Variants in C4orf51 observed in about 807,000 individuals in gnomAD.
The protein encoded by C4orf51 is chromosome 4 open reading frame 51, also known as uncharacterized protein C4orf51.
Under a neutral mutation model 25.2 loss-of-function variants are expected in C4orf51, and 25 were observed. The observed-to-expected ratio is 0.99, with a 90% confidence interval of 0.72 to 1.39. C4orf51 has a LOEUF of 1.39. C4orf51 is among the 40% of genes most tolerant of loss of function. The probability of loss-of-function intolerance (pLI) is 0.00; values close to 1 mark genes in which losing one functional copy is unlikely to be tolerated. For missense variants in C4orf51, 252 were observed against 239.6 expected (o/e 1.05, Z -0.34); for synonymous variants, 100 against 84.5 (o/e 1.18, Z -1.01).
chr4:145,696,487 T>C, intron 1 of C4orf51, 72 bp from the exon 2 acceptor site: 1 of 1,223,174 alleles, frequency 8.2e-7, no homozygotes. Context: ...GAAATCCCTG[T>C]AAGTCCACAG....
chr4:145,694,487 C>T (rs1203098489), intron 1 of C4orf51, among the ~76,000 whole-genome samples: 2 of 83,324 alleles, frequency 2.4e-5, no homozygotes, highest in South Asian at 6.3e-4. Flanking sequence ...CCGCCCCGTC[C>T]GGGAGGGAGG....
intron 2 of C4orf51, among the ~76,000 whole-genome samples, chr4:145,707,239 C>T (rs72952620): frequency 1.3e-5 from 2 of 152,298 alleles, no homozygotes; most frequent in African/African-American, 4.8e-5. Context: ...GCGCCAGGCC[C>T]ATATAAGATA....
Position 145,762,124 on chromosome 4 carries a change from G to A in C4orf51, n.167-8864G>A, listed in dbSNP as rs1301784465. On this transcript the variant is annotated intron_variant and non_coding_transcript_variant, in intron 1 of 1. Coordinates refer to the C4orf51 transcript ENST00000510096. This position sits in a 1 kb window ranked among gnomAD's most constrained non-coding sequence, Gnocchi z 4.9. ...CCTCCAGCAAACAGAAAGTCACAGG[G>A]GTCAGAATCGTGCTTATTAAGGGTT... Among the ~76,000 whole-genome samples, 4 of 152,128 alleles carry A rather than the reference G, an allele frequency of 2.6e-5. No homozygotes were observed. Among genetic ancestry groups the A allele is most frequent in the Non-Finnish European group, 5.9e-5 (4 of 68,014 alleles).
intron 1 of C4orf51, among the ~76,000 whole-genome samples, chr4:145,693,932 T>C (rs1415196493): frequency 6.9e-6 from 1 of 144,664 alleles, no homozygotes; most frequent in Admixed American, 6.8e-5. Context: ...GCGGAGACGC[T>C]CCTCACTTCC....
chr4:145,708,160 C>T (rs1730934354), intron 2 of C4orf51, among the ~76,000 whole-genome samples: 1 of 152,210 alleles, frequency 6.6e-6, no homozygotes, highest in African/African-American at 2.4e-5. Flanking sequence ...AATAGTTGAG[C>T]TCACCTCCTT....
At chr4:145,777,476 G>A in the C4orf51 span, among the ~76,000 whole-genome samples, 1 of 152,044 alleles carries the variant, frequency 6.6e-6, no homozygotes, top group Non-Finnish European at 1.5e-5. Flanking sequence ...TTCTCTTTGG[G>A]AACCGACTGA....
At chr4:145,742,238 C>T (rs11934305) in intron 1 of C4orf51, among the ~76,000 whole-genome samples, 61,380 of 152,016 alleles carry the variant, frequency 0.4, 13,754 homozygotes, top group Non-Finnish European at 0.52. Flanking sequence ...GTCTCTCTAC[C>T]GTTGGGTTCT....
At chr4:145,720,996 T>G (rs1465387399) in intron 2 of C4orf51, among the ~76,000 whole-genome samples, 2 of 152,228 alleles carry the variant, frequency 1.3e-5, no homozygotes, top group Non-Finnish European at 2.9e-5. Flanking sequence ...AGATTGTTTT[T>G]TGGCTAATTT....
chr4:145,740,474 A>G (rs1464263690), intron 1 of C4orf51, among the ~76,000 whole-genome samples: 1 of 152,186 alleles, frequency 6.6e-6, no homozygotes, highest in Non-Finnish European at 1.5e-5. Flanking sequence ...AATGCTCTAT[A>G]CATTATATAA....
At chr4:145,746,674 C>T (rs900030549) in intron 1 of C4orf51, among the ~76,000 whole-genome samples, 40 of 151,918 alleles carry the variant, frequency 2.6e-4, no homozygotes, top group Non-Finnish European at 2.9e-5. Flanking sequence ...TTTTATTGTT[C>T]AGGATAGCTT....
rs1417846640 is a variant in C4orf51, at chr4:145,761,615, C to T, written n.167-9373C>T. ...AATGGGCACCTGCCGGGGAAAGCAA[C>T]GCAAGGGAGGTTCAGCCGGGAAGGT... On this transcript the variant is annotated intron_variant and non_coding_transcript_variant, in intron 1 of 1. Transcript: ENST00000510096. The surrounding 1 kb of genome is among the most constrained non-coding windows in gnomAD (Gnocchi z 6.8). 3.2e-6 allele frequency: 4 copies of T among 1,233,980 alleles called. No individual in the cohort carries two copies. Among genetic ancestry groups the T allele is most frequent in the African/African-American group, 3.1e-5 (2 of 64,906 alleles). The allele number at this position is 1,233,980 out of a possible 1,614,324, so 76.4% of individuals were successfully genotyped here. A position where few individuals can be genotyped will look rare whatever the true frequency, so the allele number is the denominator to read the frequency against.
chr4:145,744,286 G>A (rs1257920234), intron 1 of C4orf51, among the ~76,000 whole-genome samples: 1 of 152,148 alleles, frequency 6.6e-6, no homozygotes, highest in African/African-American at 2.4e-5. Flanking sequence ...TGAAGAAAAG[G>A]GATAGGGAAT....
intron 5 of C4orf51, among the ~76,000 whole-genome samples, chr4:145,730,778 TATAC>T (rs887475826): frequency 9.4e-4 from 143 of 152,292 alleles, no homozygotes; most frequent in African/African-American, 3.4e-3. Flanking sequence ...AACCACCAGT[TATAC>T]ATACATTTCA....
At chr4:145,780,468 C>A in the C4orf51 span, among the ~76,000 whole-genome samples, 3 of 152,134 alleles carry the variant, frequency 2.0e-5, no homozygotes, top group Non-Finnish European at 4.4e-5. Context: ...GAAAACAGTG[C>A]CACAAGTTAT....
chr4:145,729,486 A>G (rs1021138468), intron 4 of C4orf51, among the ~76,000 whole-genome samples: 1 of 151,840 alleles, frequency 6.6e-6, no homozygotes, highest in African/African-American at 2.4e-5. Context: ...TATTTTTAGT[A>G]GAGACGGGGT....
At chr4:145,754,530 G>T (rs1200509405), downstream of C4orf51, among the ~76,000 whole-genome samples, 4 of 152,168 alleles carry the variant, frequency 2.6e-5, no homozygotes, top group Non-Finnish European at 5.9e-5. Flanking sequence ...TATCCATCTG[G>T]CAAACCCCTA....
chr4:145,786,482 A>T, the C4orf51 span, among the ~76,000 whole-genome samples: 14 of 152,240 alleles, frequency 9.2e-5, no homozygotes, highest in African/African-American at 3.4e-4. Flanking sequence ...CCATTGTGAC[A>T]TATGGTATTT....
chr4:145,735,093 A>G, downstream of C4orf51, among the ~76,000 whole-genome samples: 2 of 152,322 alleles, frequency 1.3e-5, no homozygotes, highest in South Asian at 4.1e-4. Context: ...GCAACGTGAC[A>G]TGAAAATTAG....
chr4:145,690,263 T>G (rs1258627420), intron 1 of C4orf51, among the ~76,000 whole-genome samples: 9 of 151,952 alleles, frequency 5.9e-5, no homozygotes, highest in Non-Finnish European at 1.3e-4. Context: ...CCCAGCACTT[T>G]GCAAGGCTAA....
Sources: gnomAD v4.1 joint callset for allele counts (sites outside exome capture counted in the v4.1 genomes callset) on GRCh38, gnomAD v4.1.1 for gene constraint, Gnocchi (gnomAD v3.1) non-coding constraint, MANE v1.5 for transcripts, NCBI Gene and HGNC (gene_info 2026-07-23, HGNC 2026-07-21) for gene names.